ERBB4: variants seen among roughly 807,000 people sequenced by gnomAD.
The protein encoded by ERBB4 is erb-b2 receptor tyrosine kinase 4.
A neutral mutation model predicts 158.0 loss-of-function variants in ERBB4; 42 were observed. The ratio of observed to expected loss-of-function variants is 0.27; its 90% confidence interval spans 0.21 to 0.34. The LOEUF (loss-of-function observed/expected upper bound fraction) is 0.34. Among genes scored for constraint, ERBB4 ranks in the 10% least tolerant of loss-of-function variants. ERBB4 has a pLI of 1.00. For synonymous variants in ERBB4, 583 were observed against 558.7 expected, an observed-to-expected ratio of 1.04 and a Z score of -0.61; for missense variants, 1,333 against 1,624.1, an observed-to-expected ratio of 0.82 and a Z score of 3.08.
At chr2:211,935,008 A>G (rs1051895675) in intron 3 of ERBB4, among the ~76,000 whole-genome samples, 4 of 150,160 alleles carry the variant, frequency 2.7e-5, no homozygotes, top group African/African-American at 9.7e-5. Flanking sequence ...ATTCACACAT[A>G]GCAGAGGATG....
chr2:211,451,941 T>G (rs1385912413), intron 20 of ERBB4, among the ~76,000 whole-genome samples: 1 of 152,188 alleles, frequency 6.6e-6, no homozygotes, highest in Non-Finnish European at 1.5e-5. Flanking sequence ...AGGAGTAAAC[T>G]TCTATTAAAC....
At chr2:211,864,656 T>C (rs1308191705) in intron 3 of ERBB4, among the ~76,000 whole-genome samples, 2 of 152,158 alleles carry the variant, frequency 1.3e-5, no homozygotes, top group Non-Finnish European at 2.9e-5. Context: ...TCTGCCATTA[T>C]GTAAAGTGAT....
At chr2:212,016,351 C>T (rs562853622) in intron 2 of ERBB4, among the ~76,000 whole-genome samples, 6 of 151,520 alleles carry the variant, frequency 4.0e-5, no homozygotes, top group African/African-American at 9.7e-5. Flanking sequence ...TGAAAAAAGA[C>T]GAATTATGAG....
chr2:211,523,859 C>G (rs1165803060), intron 20 of ERBB4, among the ~76,000 whole-genome samples: 2 of 152,224 alleles, frequency 1.3e-5, no homozygotes, highest in East Asian at 3.9e-4. Flanking sequence ...GCCCCACCCA[C>G]GTCCTGCTGA....
intron 3 of ERBB4, among the ~76,000 whole-genome samples, chr2:211,834,030 T>C (rs891525279): frequency 2.0e-5 from 3 of 152,050 alleles, no homozygotes; most frequent in Non-Finnish European, 2.9e-5. Context: ...TCTAGACCTT[T>C]AATTTTATGT....
chr2:211,722,859 G>T (rs1189743615), intron 6 of ERBB4, among the ~76,000 whole-genome samples: 1 of 152,192 alleles, frequency 6.6e-6, no homozygotes, highest in Non-Finnish European at 1.5e-5. Context: ...TAGTCTTAAA[G>T]TATAGCACTG....
At chr2:212,171,315 A>T (rs536071995) in intron 1 of ERBB4, among the ~76,000 whole-genome samples, 1 of 127,090 alleles carries the variant, frequency 7.9e-6, no homozygotes, top group South Asian at 2.4e-4. Flanking sequence ...TCTTGGAAGT[A>T]ACTAACTTGT....
chr2:212,012,022 G>A (rs1345897232), intron 2 of ERBB4, among the ~76,000 whole-genome samples: 4 of 152,148 alleles, frequency 2.6e-5, no homozygotes, highest in Non-Finnish European at 4.4e-5. Flanking sequence ...ATTTATACAG[G>A]AAAGTTAGGA....
At chr2:211,617,247 C>CTA (rs1354360958) in intron 19 of ERBB4, among the ~76,000 whole-genome samples, 3 of 152,044 alleles carry the variant, frequency 2.0e-5, no homozygotes, top group Non-Finnish European at 4.4e-5. Context: ...TGGCTGTAGT[C>CTA]TAGGCTGGCA....
Position 211,494,251 on chromosome 2 carries a change from C to T in ERBB4, c.2488-63151G>A, listed in dbSNP as rs980677632. On this transcript the variant is annotated intron_variant, in intron 20 of 27. Coordinates refer to ENST00000342788, the MANE Select transcript of ERBB4 (RefSeq NM_005235.3). ...CTCCTGACCTCAGGTGATCCGCCTGCCTCGGCCTCCGAAAGTGCTGAGATT... is the reference window on the plus strand; with the variant it reads ...CTCCTGACCTCAGGTGATCCGCCTGTCTCGGCCTCCGAAAGTGCTGAGATT... Among the ~76,000 whole-genome samples the T allele has an allele frequency of 3.3e-5, 5 of 152,120 alleles. 1 individual carries two copies. The highest frequency in any genetic ancestry group is 1.2e-4 in the African/African-American group (5 of 41,420).
intron 19 of ERBB4, among the ~76,000 whole-genome samples, chr2:211,604,886 G>A (rs764782627): frequency 1.8e-4 from 27 of 151,992 alleles, no homozygotes; most frequent in African/African-American, 5.5e-4. Context: ...TTTAGAAATC[G>A]AAACATCTTG....
At chr2:212,408,393 T>C (rs1019324401) in intron 1 of ERBB4, among the ~76,000 whole-genome samples, 2 of 152,158 alleles carry the variant, frequency 1.3e-5, no homozygotes, top group African/African-American at 4.8e-5. Context: ...GCTATTATTT[T>C]ATACTCCAAA....
chr2:212,238,020 G>C (rs957410165), intron 1 of ERBB4, among the ~76,000 whole-genome samples: 10 of 152,206 alleles, frequency 6.6e-5, no homozygotes, highest in Non-Finnish European at 1.2e-4. Context: ...GGGCTCCATG[G>C]GGGTAGGATC....
chr2:212,325,493 A>G (rs1162960420), intron 1 of ERBB4, among the ~76,000 whole-genome samples: 1 of 150,842 alleles, frequency 6.6e-6, no homozygotes, highest in African/African-American at 2.4e-5. Flanking sequence ...CAGTTATAAC[A>G]GAAATGCTTT....
intron 1 of ERBB4, among the ~76,000 whole-genome samples, chr2:212,395,913 A>C (rs2091012719): frequency 6.6e-6 from 1 of 152,074 alleles, no homozygotes; most frequent in Admixed American, 6.6e-5. Context: ...GACCACGCCC[A>C]GCCAGCTATA....
chr2:211,571,817 C>T (rs1195790775), intron 19 of ERBB4, among the ~76,000 whole-genome samples: 1 of 152,104 alleles, frequency 6.6e-6, no homozygotes, highest in Non-Finnish European at 1.5e-5. Flanking sequence ...TACTCCATTC[C>T]AGGAATCAAC....
intron 19 of ERBB4, among the ~76,000 whole-genome samples, chr2:211,563,216 T>C (rs62180220): frequency 0.022 from 3,327 of 152,294 alleles, 39 homozygotes; most frequent in Middle Eastern, 0.031. Context: ...GAAATAGACA[T>C]AACCATAAAA....
chr2:212,185,584 G>A (rs961156736), intron 1 of ERBB4, among the ~76,000 whole-genome samples: 1 of 151,960 alleles, frequency 6.6e-6, no homozygotes, highest in Non-Finnish European at 1.5e-5. Flanking sequence ...TGGTCACTGC[G>A]GTGGGATGCT....
At chr2:211,625,335 T>C (rs2069800918) in intron 17 of ERBB4, among the ~76,000 whole-genome samples, 1 of 152,198 alleles carries the variant, frequency 6.6e-6, no homozygotes, top group Admixed American at 6.5e-5. Flanking sequence ...CAAAGCTAAG[T>C]GCACTGTGGC....
Sources: gnomAD v4.1 joint callset for allele counts (sites outside exome capture counted in the v4.1 genomes callset) on GRCh38, gnomAD v4.1.1 for gene constraint, MANE v1.5 for transcripts, NCBI Gene and HGNC (gene_info 2026-07-23, HGNC 2026-07-21) for gene names.